The following ZNF831 variants were observed in gnomAD, a reference collection of about 807,000 sequenced individuals.
ZNF831 encodes the protein zinc finger protein 831.
ZNF831 carries 59 observed loss-of-function variants against 95.8 expected under a neutral mutation model. The observed-to-expected ratio is 0.62, with a 90% CI of 0.50 to 0.77. The LOEUF (loss-of-function observed/expected upper bound fraction) is 0.77. Among genes scored for constraint, ZNF831 ranks in the 30% least tolerant of loss-of-function variants. ZNF831 has a pLI of 0.00. For missense variants in ZNF831, 2,205 were observed against 2,164.0 expected (o/e 1.02, Z -0.38); for synonymous variants, 961 against 925.5 (o/e 1.04, Z -0.70).
At chr20:59,178,626 C>G (rs1265392902) in intron 1 of ZNF831, among the ~76,000 whole-genome samples, 2 of 152,212 alleles carry the variant, frequency 1.3e-5, no homozygotes, top group African/African-American at 4.8e-5. Flanking sequence ...ATAACTCACT[C>G]TACAACTTGG....
At chr20:59,133,603 A>G (rs1979412258) in intron 1 of ZNF831, among the ~76,000 whole-genome samples, 1 of 152,094 alleles carries the variant, frequency 6.6e-6, no homozygotes, top group Non-Finnish European at 1.5e-5. Flanking sequence ...GAAAGCATGG[A>G]TTTTGGGTTA....
At chr20:59,150,814 A>T (rs1980187466) in intron 2 of ZNF831, among the ~76,000 whole-genome samples, 1 of 152,128 alleles carries the variant, frequency 6.6e-6, no homozygotes, top group Admixed American at 6.5e-5. Context: ...GGTGTGGCGC[A>T]CCCGAACGCT....
intron 4 of ZNF831, among the ~76,000 whole-genome samples, chr20:59,215,021 A>T (rs1438697500): frequency 6.6e-6 from 1 of 152,238 alleles, no homozygotes; most frequent in Non-Finnish European, 1.5e-5. Context: ...TTTCTAGCCG[A>T]TGACATATCA....
Position 59,193,461 on chromosome 20 carries a change from G to A in ZNF831, c.2442G>A (p.Gly814=), listed in dbSNP as rs368710582. ...TVLRWPSRGS[G]EDKLPSERKK... is the part of the protein sequence containing the mutation. ...TGAGATGGCCCAGCAGGGGCTCAGGGGAGGACAAGCTCCCCTCAGAGAGGA... is the reference window on the plus strand; with the variant it reads ...TGAGATGGCCCAGCAGGGGCTCAGGAGAGGACAAGCTCCCCTCAGAGAGGA... Residue 814 remains glycine (G), a synonymous_variant, in exon 2 of 6, where the codon GGG becomes GGA. Transcript: ENST00000371030. 2.3e-5 allele frequency: 37 copies of A among 1,608,382 alleles called. No homozygotes were observed. In the East Asian group the frequency reaches 4.5e-4, roughly 19 times the overall value.
At chr20:59,179,105 C>T (rs60603023) in intron 1 of ZNF831, among the ~76,000 whole-genome samples, 3,349 of 152,282 alleles carry the variant, frequency 0.022, 141 homozygotes, top group African/African-American at 0.077. Flanking sequence ...GTGAGCTCCA[C>T]GACAGACTCT....
rs1420186592 is a variant in ZNF831, at chr20:59,217,989, T to C, written c.4027+10933T>C. On this transcript the variant is annotated intron_variant, in intron 4 of 5. Transcript: ENST00000371030. The surrounding 1 kb of genome is among the most constrained non-coding windows in gnomAD (Gnocchi z 4.4). ...CCAATTCATTAGACCCAGTTAGCAA[T>C]TTGCAAAAGAGATGAGTTGATCTGC... Among the ~76,000 whole-genome samples, 2 of 152,240 alleles carry C rather than the reference T, an allele frequency of 1.3e-5. No individual in the cohort carries two copies. Among genetic ancestry groups the C allele is most frequent in the East Asian group, 3.9e-4 (2 of 5,184 alleles).
At chr20:59,205,222 C>T (rs1568767966) in intron 3 of ZNF831, among the ~76,000 whole-genome samples, 1 of 152,186 alleles carries the variant, frequency 6.6e-6, no homozygotes, top group Admixed American at 6.5e-5. Flanking sequence ...CTCCATGTGC[C>T]ACCCCTTCCT....
chr20:59,238,762 T>A (rs1489979447), intron 4 of ZNF831, among the ~76,000 whole-genome samples: 1 of 152,170 alleles, frequency 6.6e-6, no homozygotes, highest in East Asian at 1.9e-4. Context: ...CTAAAACTAT[T>A]TTAAATTTTA....
In ZNF831 at chr20:59,169,532, G is replaced by A. The variant is rs1243648264; in HGVS notation, c.-37+5325G>A. On this transcript the variant is annotated intron_variant, in intron 1 of 5. Transcript: ENST00000371030. This position sits in a 1 kb window ranked among gnomAD's most constrained non-coding sequence, Gnocchi z 4.1. ...TATAATCCCAGCACTTTGGGAGGCT[G>A]AGATGGGTGGATCACTTGAGGCCAG... 6.6e-6 allele frequency among the ~76,000 whole-genome samples: 1 copy of A among 152,164 alleles called. No homozygotes were observed. The highest frequency in any genetic ancestry group is 1.5e-5 in the Non-Finnish European group (1 of 68,036).
chr20:59,228,908 A>C (rs186429832), intron 4 of ZNF831, among the ~76,000 whole-genome samples: 21 of 152,258 alleles, frequency 1.4e-4, no homozygotes, highest in Non-Finnish European at 5.9e-5. Context: ...ACTAGATTTT[A>C]TTCTTTCTGA....
At position 59,218,845 on chromosome 20, in the gene ZNF831, T is replaced by C. The variant is rs548658814; in HGVS notation, c.4027+11789T>C. 2.4e-3 allele frequency among the ~76,000 whole-genome samples: 360 copies of C among 152,070 alleles called. 3 individuals carry two copies. Among genetic ancestry groups the C allele is most frequent in the Middle Eastern group, 0.01 (3 of 294 alleles). On this transcript the variant is annotated intron_variant, in intron 4 of 5. Transcript: ENST00000371030. ...CTGGGCAACATGGTGAAACCCCCTC[T>C]CTACTAAAAATATAAAAATTAGCCG...
chr20:59,126,725 A>G (rs1274196481), intron 1 of ZNF831, among the ~76,000 whole-genome samples: 1 of 152,204 alleles, frequency 6.6e-6, no homozygotes, highest in Non-Finnish European at 1.5e-5. Flanking sequence ...TGCTGTCCGC[A>G]TCAGCCACCT....
At chr20:59,172,808 C>CT (rs1275045781) in intron 1 of ZNF831, among the ~76,000 whole-genome samples, 1 of 152,188 alleles carries the variant, frequency 6.6e-6, no homozygotes, top group Non-Finnish European at 1.5e-5. Context: ...GTTTTCTGCC[C>CT]TCCTTGGTAT....
intron 2 of ZNF831, among the ~76,000 whole-genome samples, chr20:59,153,690 G>A (rs1050132589): frequency 2.2e-4 from 33 of 151,532 alleles, no homozygotes; most frequent in Middle Eastern, 3.5e-3. Flanking sequence ...GGCAGGAGGA[G>A]GCTTTGGCCA....
chr20:59,193,868 C>A lies in ZNF831; in HGVS notation c.2849C>A (p.Thr950Asn), dbSNP rs368553201. The change falls in exon 2 of 6, where the codon ACC becomes AAC. Residue 950 changes from threonine to asparagine, a missense_variant. Thr to Asn is a moderately conservative substitution (Grantham distance 65). Coordinates refer to ENST00000371030, the MANE Select transcript of ZNF831 (RefSeq NM_178457.3). ...KYLLRLPQAE[T>N]PLPLPIPWGP... ...CTCCTCAGGTTACCTCAGGCAGAGA[C>A]CCCCTTACCACTGCCCATTCCCTGG... The A allele has an allele frequency of 6.8e-6, 11 of 1,612,508 alleles. No individual in the cohort carries two copies. In the African/African-American group the frequency reaches 1.3e-4, roughly 20 times the overall value.
chr20:59,124,147 TAA>T (rs1357585019), intron 1 of ZNF831, among the ~76,000 whole-genome samples: 2 of 152,076 alleles, frequency 1.3e-5, no homozygotes. Context: ...TCAGGAAAAA[TAA>T]ACTCTTCCTA....
chr20:59,254,479 T>A lies in ZNF831; in HGVS notation c.4770T>A (p.Phe1590Leu), dbSNP rs2146770487. ...HHKEGRHKTF[F>L]PSRGQYGCGE... ...AGGAAGGGAGACACAAGACGTTTTT[T>A]CCTTCCAGAGGCCAGTATGGGTGTG... The change falls in exon 6 of 6, where the codon TTT becomes TTA. Residue 1590 changes from phenylalanine to leucine, a missense_variant. Transcript: ENST00000371030. The surrounding 1 kb of genome is among the most constrained non-coding windows in gnomAD (Gnocchi z 4.5). The A allele has an allele frequency of 6.2e-7, 1 of 1,614,204 alleles. No individual in the cohort carries two copies. Among genetic ancestry groups the A allele is most frequent in the Non-Finnish European group, 8.5e-7 (1 of 1,180,024 alleles).
intron 4 of ZNF831, among the ~76,000 whole-genome samples, chr20:59,209,943 C>A (rs1475155672): frequency 6.6e-6 from 1 of 152,140 alleles, no homozygotes; most frequent in Admixed American, 6.5e-5. Flanking sequence ...TATCTCATTT[C>A]AAGATCCTTA....
intron 4 of ZNF831, among the ~76,000 whole-genome samples, chr20:59,244,989 T>C (rs1252334694): frequency 6.6e-6 from 1 of 152,242 alleles, no homozygotes; most frequent in Non-Finnish European, 1.5e-5. Context: ...ACTTACTTAT[T>C]TCACCTTATA....
Sources: allele counts gnomAD v4.1 joint callset (sites outside exome capture counted in the v4.1 genomes callset), GRCh38; gene constraint gnomAD v4.1.1; non-coding constraint Gnocchi (gnomAD v3.1); transcripts MANE v1.5; gene names NCBI Gene and HGNC (gene_info 2026-07-23, HGNC 2026-07-21).